The following AGTPBP1 variants were observed in gnomAD, a reference collection of about 807,000 sequenced individuals.
AGTPBP1 encodes the protein cytosolic carboxypeptidase 1.
AGTPBP1 carries 70 observed loss-of-function variants against 143.9 expected under a neutral mutation model. The observed-to-expected ratio is 0.49, with a 90% CI of 0.40 to 0.59. AGTPBP1 has a LOEUF of 0.59. AGTPBP1 is among the 20% of genes least tolerant of loss of function. The pLI is 0.00. For synonymous variants in AGTPBP1, 463 were observed against 500.2 expected, an observed-to-expected ratio of 0.93 and a Z score of 0.99; for missense variants, 1,229 against 1,464.5, an observed-to-expected ratio of 0.84 and a Z score of 2.62.
intron 15 of AGTPBP1, among the ~76,000 whole-genome samples, chr9:85,620,916 TACA>T (rs773390650): frequency 2.6e-5 from 4 of 152,212 alleles, no homozygotes; most frequent in Non-Finnish European, 5.9e-5. Flanking sequence ...TTTTCAAAAA[TACA>T]ACATCATTGT....
chr9:85,573,724 A>G (rs939735179), intron 25 of AGTPBP1, among the ~76,000 whole-genome samples: 16 of 144,680 alleles, frequency 1.1e-4, no homozygotes, highest in South Asian at 4.4e-4. Flanking sequence ...GCCGCCCATC[A>G]TCTGAGATGT....
rs143677697 is a variant in AGTPBP1 at position 85,717,713 on chromosome 9, G to A, written c.-33-5147C>T. On this transcript the variant is annotated intron_variant, in intron 1 of 25. Transcript: ENST00000357081. Reference sequence around the variant, plus strand: ...TTTTTAATATACTTTAAGTTCTAGGGTACATGTGCACAACGTGCAGGTTTG... The same window carrying A: ...TTTTTAATATACTTTAAGTTCTAGGATACATGTGCACAACGTGCAGGTTTG... Among the ~76,000 whole-genome samples the A allele has an allele frequency of 2.5e-3, 378 of 150,690 alleles. 2 individuals carry two copies. The highest frequency in any genetic ancestry group is 6.7e-3 in the African/African-American group (274 of 40,902).
the AGTPBP1 span, among the ~76,000 whole-genome samples, chr9:85,800,848 GTCTTATCC>G: frequency 6.7e-6 from 1 of 148,710 alleles, no homozygotes; most frequent in African/African-American, 2.5e-5. Flanking sequence ...TGTGTAACGT[GTCTTATCC>G]TCACAATAAC....
chr9:85,774,576 C>T, the AGTPBP1 span, among the ~76,000 whole-genome samples: 9 of 152,182 alleles, frequency 5.9e-5, no homozygotes, highest in South Asian at 2.1e-4. Flanking sequence ...ACCACCAACT[C>T]TGATAGAAAA....
At chr9:85,731,405 A>G (rs62570621) in intron 1 of AGTPBP1, among the ~76,000 whole-genome samples, 2,255 of 152,082 alleles carry the variant, frequency 0.015, 25 homozygotes, top group Middle Eastern at 0.037. Flanking sequence ...CTTTGGAAGT[A>G]GTTTGGCAGG....
At chr9:85,623,852 C>A (rs1420862410) in intron 14 of AGTPBP1, among the ~76,000 whole-genome samples, 1 of 152,026 alleles carries the variant, frequency 6.6e-6, no homozygotes, top group Non-Finnish European at 1.5e-5. Context: ...CTCTTCCTTC[C>A]TTTACCCCAG....
intron 2 of AGTPBP1, among the ~76,000 whole-genome samples, chr9:85,708,892 A>G (rs1462805673): frequency 6.6e-6 from 1 of 152,134 alleles, no homozygotes; most frequent in African/African-American, 2.4e-5. Context: ...AGGTGCCTTA[A>G]CTGATGAATA....
At chr9:85,743,713 C>T (rs116219661), upstream of AGTPBP1, among the ~76,000 whole-genome samples, 3,351 of 152,242 alleles carry the variant, frequency 0.022, 36 homozygotes, top group South Asian at 0.035. Context: ...CTTCCCTGAA[C>T]GCTACCAGCT....
the AGTPBP1 span, among the ~76,000 whole-genome samples, chr9:85,765,268 CCT>C: frequency 1.3e-5 from 2 of 152,140 alleles, no homozygotes; most frequent in African/African-American, 4.8e-5. Context: ...CTGGAGGGCA[CCT>C]GACTTTTCTC....
intron 1 of AGTPBP1, among the ~76,000 whole-genome samples, chr9:85,718,546 T>C (rs972553288): frequency 6.6e-6 from 1 of 152,232 alleles, no homozygotes; most frequent in African/African-American, 2.4e-5. Flanking sequence ...TATGTTTAAG[T>C]TCTTTGTAGA....
intron 13 of AGTPBP1, among the ~76,000 whole-genome samples, chr9:85,639,667 GA>G (rs1488815160): frequency 6.6e-6 from 1 of 151,796 alleles, no homozygotes; most frequent in Non-Finnish European, 1.5e-5. Context: ...TTAACAAAAG[GA>G]AAACAAGAAA....
At chr9:85,749,176 G>A in the AGTPBP1 span, among the ~76,000 whole-genome samples, 1 of 151,334 alleles carries the variant, frequency 6.6e-6, no homozygotes, top group Non-Finnish European at 1.5e-5. Flanking sequence ...TTAATTTTTT[G>A]TAGAGATAGG....
In AGTPBP1 at chr9:85,707,612, GGAC is replaced by G. The variant is rs1837093598; in HGVS notation, c.32+4887_32+4889del. Reference sequence around the variant, plus strand: ...TTCAACAACTTTATGCCTATAAATTGGACAACATAGAAGAAATGAACAAATGCC... The same window carrying G: ...TTCAACAACTTTATGCCTATAAATTGAACATAGAAGAAATGAACAAATGCC... On this transcript the variant is annotated intron_variant, in intron 2 of 25. Transcript: ENST00000357081. Among the ~76,000 whole-genome samples, 3 of 152,208 alleles carry G rather than the reference GGAC, an allele frequency of 2.0e-5. No individual in the cohort carries two copies. In the South Asian group the frequency reaches 6.2e-4, roughly 32 times the overall value.
intron 2 of AGTPBP1, among the ~76,000 whole-genome samples, chr9:85,695,443 A>C (rs1836161532): frequency 6.6e-6 from 1 of 152,230 alleles, no homozygotes; most frequent in Non-Finnish European, 1.5e-5. Flanking sequence ...TCATAAAAAT[A>C]CTAACACATT....
At position 85,732,368 on chromosome 9, in the gene AGTPBP1, C is replaced by T. The variant is rs565959421; in HGVS notation, c.-34+9407G>A. Among the ~76,000 whole-genome samples, 3 of 152,096 alleles carry T rather than the reference C, an allele frequency of 2.0e-5. No individual in the cohort carries two copies. In the South Asian group the frequency reaches 6.2e-4, roughly 32 times the overall value. Reference sequence around the variant, plus strand: ...TAGCTGGGACTACAGGCGCCCACCACCAGGCTCGGCTAATTTTTTGTATTT... The same window carrying T: ...TAGCTGGGACTACAGGCGCCCACCATCAGGCTCGGCTAATTTTTTGTATTT... On this transcript the variant is annotated intron_variant, in intron 1 of 25. Transcript: ENST00000357081.
At chr9:85,714,746 T>C (rs1389028733) in intron 1 of AGTPBP1, among the ~76,000 whole-genome samples, 1 of 152,244 alleles carries the variant, frequency 6.6e-6, no homozygotes, top group Non-Finnish European at 1.5e-5. Flanking sequence ...GATATTGGTA[T>C]TGTTTCTGGC....
At chr9:85,741,473 G>C in intron 1 of AGTPBP1, 1 of 985,378 alleles carries the variant, frequency 1.0e-6, no homozygotes. Context: ...CCTCCGCCCA[G>C]AGACCGCGCC....
At chr9:85,697,515 C>G (rs1489816936) in intron 2 of AGTPBP1, among the ~76,000 whole-genome samples, 2 of 132,684 alleles carry the variant, frequency 1.5e-5, no homozygotes, top group East Asian at 4.7e-4. Flanking sequence ...TGCAGTGGCG[C>G]AATCTCGGCT....
intron 2 of AGTPBP1, among the ~76,000 whole-genome samples, chr9:85,700,270 G>A (rs188743096): frequency 1.2e-3 from 178 of 152,210 alleles, no homozygotes; most frequent in Middle Eastern, 3.4e-3. Context: ...TCAACACAAC[G>A]AAAGTGTAAT....
Sources: allele counts gnomAD v4.1 joint callset (sites outside exome capture counted in the v4.1 genomes callset), GRCh38; gene constraint gnomAD v4.1.1; transcripts MANE v1.5; gene names NCBI Gene and HGNC (gene_info 2026-07-23, HGNC 2026-07-21).